The following TG variants were observed in gnomAD, a reference collection of about 807,000 sequenced individuals.
The protein encoded by TG is thyroglobulin.
A neutral mutation model predicts 324.7 loss-of-function variants in TG; 270 were observed. The observed-to-expected ratio is 0.83, with a 90% CI of 0.75 to 0.92. The LOEUF is 0.92. Among genes scored for constraint, TG ranks in the 40% least tolerant of loss-of-function variants. The pLI, the probability that TG is intolerant of heterozygous loss-of-function variation, is 0.00. For synonymous variants in TG, 1,401 were observed against 1,327.0 expected, an observed-to-expected ratio of 1.06 and a Z score of -1.21; for missense variants, 3,591 against 3,456.4, an observed-to-expected ratio of 1.04 and a Z score of -0.98.
chr8:133,056,020 C>T (rs951564040), intron 41 of TG, among the ~76,000 whole-genome samples: 13 of 152,042 alleles, frequency 8.6e-5, no homozygotes, highest in South Asian at 4.1e-4. Context: ...GTCCAGAGAC[C>T]GCCCAAGAGC....
intron 41 of TG, among the ~76,000 whole-genome samples, chr8:133,055,587 C>T (rs1052665334): frequency 6.6e-6 from 1 of 152,056 alleles, no homozygotes; most frequent in Admixed American, 6.5e-5. Context: ...TTGGTTTTTC[C>T]GTATGTTAGT....
rs142310208 is a variant in TG at position 132,986,214 on chromosome 8, A to G, written c.6262+2802A>G. ...GTTAATTCATTTGTTTATTTTTTCA[A>G]TCTTTTTAGGCTCTCTGTATGGTCT... is the stretch of plus-strand genomic sequence containing the variant. On this transcript the variant is annotated intron_variant, in intron 35 of 47. Transcript: ENST00000220616. 3.7e-3 allele frequency among the ~76,000 whole-genome samples: 560 copies of G among 152,076 alleles called. 6 individuals are homozygous for G. Among genetic ancestry groups the G allele is most frequent in the African/African-American group, 0.013 (531 of 41,486 alleles).
Position 132,884,294 on chromosome 8 carries a change from A to G in TG, c.1075+1295A>G, listed in dbSNP as rs143038349. ...GCAGAAACAGTGGGAGACAGTGAGA[A>G]CTCTTATTAGGCATTCGAGCCAGAC... On this transcript the variant is annotated intron_variant, in intron 8 of 47. Coordinates refer to ENST00000220616, the MANE Select transcript of TG (RefSeq NM_003235.5). Among the ~76,000 whole-genome samples the G allele has an allele frequency of 2.4e-4, 36 of 152,126 alleles. 1 individual carries two copies. The highest frequency in any genetic ancestry group is 4.7e-4 in the Non-Finnish European group (32 of 67,996).
chr8:133,041,181 C>T (rs1010066515), intron 41 of TG, among the ~76,000 whole-genome samples: 2 of 152,226 alleles, frequency 1.3e-5, no homozygotes, highest in African/African-American at 2.4e-5. Flanking sequence ...TGCCACTGGC[C>T]TCCGGCAGGG....
At chr8:132,893,602 G>A (rs984432949) in intron 10 of TG, 88 bp from the exon 11 acceptor site, 13 of 1,583,638 alleles carry the variant, frequency 8.2e-6, no homozygotes, top group African/African-American at 2.7e-5. Flanking sequence ...GTGTGTATGT[G>A]TGTGCGTGAG....
At chr8:133,092,724 A>G (rs781326854) in intron 41 of TG, among the ~76,000 whole-genome samples, 1 of 151,972 alleles carries the variant, frequency 6.6e-6, no homozygotes, top group Non-Finnish European at 1.5e-5. Flanking sequence ...TGCTCTCTAC[A>G]CACCTCTGCA....
At position 133,096,386 on chromosome 8, in the gene TG, G is replaced by T. The variant is rs536330266; in HGVS notation, c.7572+13G>T. ...AAAGGCTGTGAAGGTAAGCAGGGAG[G>T]GGGCCTCGGATGTCTCCAGCTGGGC... On this transcript the variant is annotated intron_variant, in intron 43 of 47. Transcript: ENST00000220616. 6.8e-6 allele frequency: 11 copies of T among 1,614,106 alleles called. No individual in the cohort carries two copies. In the South Asian group the frequency reaches 1.1e-4, roughly 16 times the overall value.
Position 132,900,250 on chromosome 8 carries a change from C to A in TG, c.3344C>A (p.Ala1115Asp). ...VPACLETGEY[A>D]RLQASGAGTW... is the part of the protein sequence containing the mutation. ...GCTTTGTCTCAGACAGGAGAGTATG[C>A]CAGGCTGCAGGCATCGGGGGCTGGC... Residue 1115 changes from alanine to aspartate, a missense_variant, in exon 15 of 48, where the codon GCC becomes GAC. Coordinates refer to ENST00000220616, the MANE Select transcript of TG (RefSeq NM_003235.5). 1.9e-6 allele frequency: 3 copies of A among 1,613,836 alleles called. No individual in the cohort carries two copies. Among genetic ancestry groups the A allele is most frequent in the Non-Finnish European group, 1.7e-6 (2 of 1,179,934 alleles).
intron 13 of TG, 96 bp from the exon 14 acceptor site, chr8:132,898,702 C>G (rs1217034986): frequency 2.9e-6 from 3 of 1,021,642 alleles, no homozygotes; most frequent in Non-Finnish European, 4.5e-6. Flanking sequence ...TGCATTCACC[C>G]AGGCTCATGA....
chr8:132,992,782 A>T (rs752698960), intron 35 of TG, among the ~76,000 whole-genome samples: 2 of 152,134 alleles, frequency 1.3e-5, no homozygotes, highest in Non-Finnish European at 2.9e-5. Context: ...CCTCCAAGGG[A>T]TGGCTGACCA....
intron 41 of TG, among the ~76,000 whole-genome samples, chr8:133,076,919 A>G (rs1333408791): frequency 2.0e-5 from 3 of 152,190 alleles, no homozygotes; most frequent in Non-Finnish European, 2.9e-5. Context: ...TTGAATATGT[A>G]CTACACAGCA....
intron 41 of TG, among the ~76,000 whole-genome samples, chr8:133,091,658 ATGAC>A (rs1365115039): frequency 3.3e-5 from 5 of 151,496 alleles, no homozygotes; most frequent in Non-Finnish European, 5.9e-5. Context: ...GTATGTGTCT[ATGAC>A]TGTGCGTGTG....
At position 133,113,513 on chromosome 8, in the gene TG, G is replaced by A. The variant is rs373473584; in HGVS notation, c.7664G>A (p.Arg2555His). The change falls in exon 44 of 48, where the codon CGC becomes CAC. Residue 2555 changes from arginine (R) to histidine (H), a missense_variant. By Grantham distance (29) the Arg-to-His change is conservative. Coordinates refer to ENST00000220616, the MANE Select transcript of TG (RefSeq NM_003235.5). ...CTGGGTGGCGAGGACTCAGATGCCC[G>A]CGTCGAGGCTGCTGCTACATGGTAT... ...NSLGGEDSDA[R>H]VEAAATWYYS... 97 of 1,613,878 alleles carry A rather than the reference G, an allele frequency of 6.0e-5. 2 individuals are homozygous for A. The East Asian group carries it at 6.7e-4, about 11-fold the overall frequency.
intron 13 of TG, 63 bp downstream of exon 13, chr8:132,898,309 G>T: frequency 6.7e-7 from 1 of 1,487,290 alleles, no homozygotes; most frequent in Admixed American, 2.0e-5. Context: ...GGTCTAGTCA[G>T]CTGTGGTTGC....
intron 35 of TG, among the ~76,000 whole-genome samples, chr8:132,997,197 T>A (rs1423340959): frequency 1.3e-5 from 2 of 152,228 alleles, no homozygotes; most frequent in African/African-American, 4.8e-5. Context: ...AGGTTTTGAG[T>A]TGGGCAGCCC....
At chr8:133,027,654 A>G (rs192288776) in intron 40 of TG, among the ~76,000 whole-genome samples, 1 of 152,336 alleles carries the variant, frequency 6.6e-6, no homozygotes, top group African/African-American at 2.4e-5. Context: ...AGGCTTTTTG[A>G]ACAGAGAAAG....
At chr8:133,067,123 G>C (rs867902237) in intron 41 of TG, among the ~76,000 whole-genome samples, 1 of 152,120 alleles carries the variant, frequency 6.6e-6, no homozygotes, top group Non-Finnish European at 1.5e-5. Flanking sequence ...TTAGCATCCG[G>C]TGGTCTCCCT....
At chr8:132,900,447 TGGGG>T in intron 15 of TG, 108 bp downstream of exon 15, 20 of 1,041,632 alleles carry the variant, frequency 1.9e-5, no homozygotes, top group Non-Finnish European at 2.7e-5. Flanking sequence ...TCCATAGCTG[TGGGG>T]GCACAGCTGC....
At chr8:133,032,384 C>A (rs1446230356) in intron 41 of TG, among the ~76,000 whole-genome samples, 3 of 152,206 alleles carry the variant, frequency 2.0e-5, no homozygotes, top group Non-Finnish European at 4.4e-5. Flanking sequence ...AGGGCCCTTT[C>A]AAAAACCAGA....
Sources: allele counts gnomAD v4.1 joint callset (sites outside exome capture counted in the v4.1 genomes callset), GRCh38; gene constraint gnomAD v4.1.1; transcripts MANE v1.5; gene names NCBI Gene and HGNC (gene_info 2026-07-23, HGNC 2026-07-21).